SLC4A8: variants seen among roughly 807,000 people sequenced by gnomAD.
The protein encoded by SLC4A8 is solute carrier family 4 member 8, also known as electroneutral sodium bicarbonate exchanger 1.
A neutral mutation model predicts 125.0 loss-of-function variants in SLC4A8; 40 were observed. The ratio of observed to expected loss-of-function variants is 0.32; its 90% confidence interval spans 0.25 to 0.42. The LOEUF is 0.42. Ranked by LOEUF, SLC4A8 falls within the 10% of genes least tolerant of loss-of-function variation. The pLI is 1.00. For synonymous variants in SLC4A8, 456 were observed against 476.0 expected (o/e 0.96, Z 0.55); for missense variants, 863 against 1,355.1 (o/e 0.64, Z 5.70).
intron 1 of SLC4A8, among the ~76,000 whole-genome samples, chr12:51,417,295 C>G (rs1242398465): frequency 6.6e-6 from 1 of 152,030 alleles, no homozygotes; most frequent in Non-Finnish European, 1.5e-5. Context: ...CCTGCCTCAG[C>G]CTTCTGAGTA....
intron 9 of SLC4A8, chr12:51,462,017 C>T (rs1374345361): frequency 1.2e-5 from 3 of 241,100 alleles, no homozygotes; most frequent in Non-Finnish European, 2.4e-5. Context: ...TATATCTTGC[C>T]TTTCCTTCCA....
In SLC4A8 at chr12:51,487,193, C is replaced by T. The variant is rs568421300; in HGVS notation, c.2286+1293C>T. 7.9e-5 allele frequency among the ~76,000 whole-genome samples: 12 copies of T among 152,258 alleles called. No individual in the cohort carries two copies. The East Asian group carries it at 2.1e-3, about 27-fold the overall frequency. ...AAGAAAATGTTGCTCATGACAGGCT[C>T]CATTTTCAGGAGGCAGAGAAGAAGT... On this transcript the variant is annotated intron_variant, in intron 17 of 24. Coordinates refer to ENST00000453097, the MANE Select transcript of SLC4A8 (RefSeq NM_001039960.3).
At chr12:51,493,021 A>C (rs2138411040) in intron 19 of SLC4A8, among the ~76,000 whole-genome samples, 1 of 152,256 alleles carries the variant, frequency 6.6e-6, no homozygotes, top group Non-Finnish European at 1.5e-5. Flanking sequence ...TATAGTCCCA[A>C]AAAAACTAAA....
intron 1 of SLC4A8, among the ~76,000 whole-genome samples, chr12:51,413,316 T>A (rs1948626638): frequency 6.6e-6 from 1 of 152,218 alleles, no homozygotes; most frequent in Admixed American, 6.5e-5. Context: ...GGATATTAAT[T>A]CCTTGTTGGA....
intron 1 of SLC4A8, among the ~76,000 whole-genome samples, chr12:51,401,433 C>T (rs1444682362): frequency 1.3e-5 from 2 of 152,146 alleles, no homozygotes; most frequent in Admixed American, 6.5e-5. Flanking sequence ...TGAGTTGGGC[C>T]GCTCAGCAGC....
At chr12:51,424,059 A>C (rs1460827445), upstream of SLC4A8, among the ~76,000 whole-genome samples, 8,024 of 66,066 alleles carry the variant, frequency 0.12, 465 homozygotes, top group East Asian at 0.28. Flanking sequence ...AAAAACAAAA[A>C]AAACAACAAA....
chr12:51,463,115 CAT>C (rs766196962), intron 10 of SLC4A8, among the ~76,000 whole-genome samples: 3 of 152,036 alleles, frequency 2.0e-5, no homozygotes, highest in Non-Finnish European at 4.4e-5. Context: ...ATTTTTCTGA[CAT>C]ATTAGAGATG....
At chr12:51,433,159 C>G (rs146805375) in intron 1 of SLC4A8, among the ~76,000 whole-genome samples, 38 of 152,332 alleles carry the variant, frequency 2.5e-4, no homozygotes, top group African/African-American at 8.4e-4. Flanking sequence ...AAGTGAGAAT[C>G]TGGTCTGCTA....
chr12:51,419,442 A>G (rs893886683), intron 1 of SLC4A8, among the ~76,000 whole-genome samples: 3 of 152,230 alleles, frequency 2.0e-5, no homozygotes, highest in Admixed American at 6.5e-5. Flanking sequence ...AATAGACCTG[A>G]TTTATAAGCA....
At chr12:51,467,313 T>C (rs1344057722) in intron 11 of SLC4A8, 1 of 152,262 alleles carries the variant, frequency 6.6e-6, no homozygotes, top group African/African-American at 2.4e-5. Flanking sequence ...AGGCTAAAAC[T>C]AAGGCAGGTC....
intron 16 of SLC4A8, chr12:51,480,390 G>T: frequency 8.8e-7 from 1 of 1,138,318 alleles, no homozygotes; most frequent in Non-Finnish European, 1.1e-6. Context: ...TTACACATGT[G>T]TGCAGGCAAT....
chr12:51,413,957 G>A (rs188044475), intron 1 of SLC4A8, among the ~76,000 whole-genome samples: 2 of 152,086 alleles, frequency 1.3e-5, no homozygotes, highest in East Asian at 1.9e-4. Context: ...TTTCTGTGAC[G>A]AATGTCTTTG....
chr12:51,393,182 A>G (rs1948189486), intron 1 of SLC4A8, among the ~76,000 whole-genome samples: 1 of 150,228 alleles, frequency 6.7e-6, no homozygotes, highest in South Asian at 2.1e-4. Flanking sequence ...TGGAGCTATC[A>G]CGGCTCACTG....
chr12:51,461,373 T>C lies in SLC4A8; in HGVS notation c.1101+82T>C, dbSNP rs150248025. On this transcript the variant is annotated intron_variant, in intron 9 of 24. Transcript: ENST00000453097. ...TCTGTGCCAGGCAATATGCTAGTTA[T>C]TGGGGATAAAATACTTTCCATTGCA... is the stretch of plus-strand genomic sequence containing the variant. 5.4e-4 allele frequency: 452 copies of C among 836,378 alleles called. No individual in the cohort carries two copies. In the Middle Eastern group the frequency reaches 8.4e-3, roughly 16 times the overall value. The allele number at this position is 836,378 out of a possible 1,614,324, so 51.8% of individuals were successfully genotyped here. A position where few individuals can be genotyped will look rare whatever the true frequency, so the allele number is the denominator to read the frequency against.
intron 16 of SLC4A8, among the ~76,000 whole-genome samples, chr12:51,483,340 G>A: frequency 6.9e-6 from 1 of 143,964 alleles, no homozygotes; most frequent in East Asian, 2.0e-4. Context: ...TAAAATAAAA[G>A]CTATTCTCAC....
At chr12:51,465,597 A>G (rs1809670054) in intron 11 of SLC4A8, among the ~76,000 whole-genome samples, 1 of 152,324 alleles carries the variant, frequency 6.6e-6, no homozygotes, top group East Asian at 1.9e-4. Context: ...CCATAATGTC[A>G]TGTCAGGAAC....
At position 51,463,712 on chromosome 12, in the gene SLC4A8, G is replaced by A; in HGVS notation, c.1347G>A (p.Gly449=). The A allele has an allele frequency of 1.2e-6, 2 of 1,610,038 alleles. No homozygotes were observed. Among genetic ancestry groups the A allele is most frequent in the Non-Finnish European group, 1.7e-6 (2 of 1,176,356 alleles). The part of the protein sequence containing the change: ...GHSGPELQRT[G]RLFGGLVLDI... The stretch of plus-strand genomic sequence containing the variant: ...GTGGGCCAGAACTTCAGCGCACTGG[G>A]CGGTAAGTCCTGGGACGTTTCACAG... The change falls in exon 11 of 25, where the codon GGG becomes GGA. Residue 449 remains glycine (G), a splice_region_variant and synonymous_variant. Coordinates refer to ENST00000453097, the MANE Select transcript of SLC4A8 (RefSeq NM_001039960.3).
intron 5 of SLC4A8, 137 bp downstream of exon 5, chr12:51,453,836 T>G: frequency 3.1e-6 from 2 of 652,132 alleles, no homozygotes; most frequent in Non-Finnish European, 5.1e-6. Flanking sequence ...GGCCTCAATG[T>G]CCTTGGCTGT....
intron 2 of SLC4A8, among the ~76,000 whole-genome samples, chr12:51,448,642 G>A (rs561517281): frequency 6.6e-6 from 1 of 152,288 alleles, no homozygotes; most frequent in Admixed American, 6.5e-5. Flanking sequence ...AGTGGCACCG[G>A]AGCTCAGGGA....
Sources: gnomAD v4.1 joint callset for allele counts (sites outside exome capture counted in the v4.1 genomes callset) on GRCh38, gnomAD v4.1.1 for gene constraint, MANE v1.5 for transcripts, NCBI Gene and HGNC (gene_info 2026-07-23, HGNC 2026-07-21) for gene names.